The following MAPKAP1 variants were observed in gnomAD, a reference collection of about 807,000 sequenced individuals.
MAPKAP1 encodes MAPK associated protein 1, also known as target of rapamycin complex 2 subunit MAPKAP1.
A neutral mutation model predicts 65.7 loss-of-function variants in MAPKAP1; 20 were observed. That is an observed-to-expected ratio of 0.30 (90% CI 0.21 to 0.44). MAPKAP1 has a LOEUF of 0.44. MAPKAP1 is among the 20% of genes least tolerant of loss of function. MAPKAP1 has a pLI of 1.00. For missense variants in MAPKAP1, 423 were observed against 648.0 expected, an observed-to-expected ratio of 0.65 and a Z score of 3.77; for synonymous variants, 222 against 244.3, an observed-to-expected ratio of 0.91 and a Z score of 0.85.
chr9:125,618,066 A>C (rs1832794318), intron 4 of MAPKAP1, among the ~76,000 whole-genome samples: 2 of 152,122 alleles, frequency 1.3e-5, no homozygotes, highest in African/African-American at 4.8e-5. Flanking sequence ...TGAGAGGAAA[A>C]GCACCCAATT....
chr9:125,508,437 T>C (rs1829207387), intron 7 of MAPKAP1, among the ~76,000 whole-genome samples: 1 of 152,220 alleles, frequency 6.6e-6, no homozygotes, highest in Admixed American at 6.5e-5. Context: ...TAATGGCCTA[T>C]TAAACAATCT....
chr9:125,699,374 A>T (rs141743353), intron 1 of MAPKAP1, among the ~76,000 whole-genome samples: 108 of 151,784 alleles, frequency 7.1e-4, no homozygotes, highest in African/African-American at 2.4e-3. Flanking sequence ...ACACCAAGCT[A>T]ATTGTTTTGA....
At chr9:125,631,901 G>T (rs761947619) in intron 4 of MAPKAP1, among the ~76,000 whole-genome samples, 1 of 152,078 alleles carries the variant, frequency 6.6e-6, no homozygotes, top group Non-Finnish European at 1.5e-5. Context: ...GCGAAGCCCA[G>T]GCCAGGTGTC....
chr9:125,665,804 A>C (rs1834323579), intron 3 of MAPKAP1, among the ~76,000 whole-genome samples: 1 of 152,204 alleles, frequency 6.6e-6, no homozygotes, highest in African/African-American at 2.4e-5. Context: ...ATCATTACTT[A>C]AGAAACCAAT....
chr9:125,605,486 A>T (rs1172110394), intron 4 of MAPKAP1, among the ~76,000 whole-genome samples: 3 of 152,232 alleles, frequency 2.0e-5, no homozygotes, highest in Admixed American at 2.0e-4. Flanking sequence ...AATTAAATAA[A>T]TAGCCACCGT....
intron 10 of MAPKAP1, among the ~76,000 whole-genome samples, chr9:125,452,747 C>T (rs935177013): frequency 1.3e-5 from 2 of 151,840 alleles, no homozygotes; most frequent in African/African-American, 4.8e-5. Context: ...CAAAAACTAG[C>T]CGGGTGTGGT....
chr9:125,501,535 T>C (rs1450624383), intron 8 of MAPKAP1, among the ~76,000 whole-genome samples: 1 of 152,214 alleles, frequency 6.6e-6, no homozygotes, highest in Non-Finnish European at 1.5e-5. Flanking sequence ...TAAAACAAAT[T>C]GGAGGTTATA....
chr9:125,630,533 G>C (rs1372793780), intron 4 of MAPKAP1, among the ~76,000 whole-genome samples: 1 of 152,152 alleles, frequency 6.6e-6, no homozygotes, highest in African/African-American at 2.4e-5. Flanking sequence ...CATATTGTAT[G>C]GTTTATTATT....
chr9:125,457,267 G>A (rs1853217097), intron 10 of MAPKAP1, among the ~76,000 whole-genome samples: 2 of 152,136 alleles, frequency 1.3e-5, no homozygotes, highest in South Asian at 4.2e-4. Flanking sequence ...GGGATTATAG[G>A]CATGAGCCAC....
intron 1 of MAPKAP1, among the ~76,000 whole-genome samples, chr9:125,698,310 T>TAAA (rs1564622499): frequency 2.9e-4 from 13 of 45,148 alleles, no homozygotes; most frequent in East Asian, 7.5e-4. Context: ...TATATATATA[T>TAAA]ATATATATAT....
At chr9:125,612,069 C>T (rs944806530) in intron 4 of MAPKAP1, among the ~76,000 whole-genome samples, 2 of 152,148 alleles carry the variant, frequency 1.3e-5, no homozygotes, top group Non-Finnish European at 2.9e-5. Context: ...CTCCAATGAG[C>T]ATTTCCTTTG....
chr9:125,578,899 C>A (rs780080779), intron 5 of MAPKAP1, among the ~76,000 whole-genome samples: 3 of 152,068 alleles, frequency 2.0e-5, no homozygotes, highest in Non-Finnish European at 4.4e-5. Context: ...AGGTCCATAA[C>A]CGATAGAGAA....
rs150276693 is a variant in MAPKAP1 at position 125,588,507 on chromosome 9, G to A, written c.499-2780C>T. On this transcript the variant is annotated intron_variant, in intron 4 of 11. Transcript: ENST00000265960. Reference sequence around the variant, plus strand: ...TTAATATATTAAATACCACAGAACCGTACACTTTAAAATGGTTAAAATGGT... The same window carrying A: ...TTAATATATTAAATACCACAGAACCATACACTTTAAAATGGTTAAAATGGT... 3.2e-3 allele frequency among the ~76,000 whole-genome samples: 481 copies of A among 152,136 alleles called. 2 individuals are homozygous for A. The highest frequency in any genetic ancestry group is 4.5e-3 in the African/African-American group (188 of 41,500).
intron 4 of MAPKAP1, among the ~76,000 whole-genome samples, chr9:125,603,922 A>C (rs1198592262): frequency 6.6e-6 from 1 of 152,134 alleles, no homozygotes; most frequent in Non-Finnish European, 1.5e-5. Flanking sequence ...CCATTATGCC[A>C]AGAAACATTT....
chr9:125,459,220 G>T (rs1426987662), intron 10 of MAPKAP1, among the ~76,000 whole-genome samples: 1 of 150,606 alleles, frequency 6.6e-6, no homozygotes, highest in Admixed American at 6.6e-5. Context: ...GACGATGGGC[G>T]GCGGGGCAGA....
At chr9:125,599,069 T>C in intron 4 of MAPKAP1, among the ~76,000 whole-genome samples, 1 of 151,992 alleles carries the variant, frequency 6.6e-6, no homozygotes, top group Non-Finnish European at 1.5e-5. Context: ...AAAGCACTTA[T>C]TACTGTGCCT....
chr9:125,455,774 C>T (rs1200902369), intron 10 of MAPKAP1, among the ~76,000 whole-genome samples: 1 of 152,224 alleles, frequency 6.6e-6, no homozygotes, highest in African/African-American at 2.4e-5. Context: ...TTTGCCAATT[C>T]CTGCTGGAAA....
At chr9:125,567,453 A>G (rs1006981378) in intron 5 of MAPKAP1, 25 of 152,362 alleles carry the variant, frequency 1.6e-4, no homozygotes, top group African/African-American at 4.3e-4. Context: ...ATGACAGTTT[A>G]CAAATGCCAT....
intron 9 of MAPKAP1, among the ~76,000 whole-genome samples, chr9:125,477,208 C>T (rs1297823525): frequency 1.3e-5 from 2 of 152,160 alleles, no homozygotes; most frequent in Non-Finnish European, 2.9e-5. Flanking sequence ...AGATGCGATG[C>T]TGATAGGATG....
Sources: allele counts gnomAD v4.1 joint callset (sites outside exome capture counted in the v4.1 genomes callset), GRCh38; gene constraint gnomAD v4.1.1; transcripts MANE v1.5; gene names NCBI Gene and HGNC (gene_info 2026-07-23, HGNC 2026-07-21).